KANSL3: variants seen among roughly 807,000 people sequenced by gnomAD.
KANSL3 encodes NSL complex protein NSL3.
KANSL3 carries 16 observed loss-of-function variants against 89.2 expected under a neutral mutation model. That is an observed-to-expected ratio of 0.18 (90% CI 0.12 to 0.27). The LOEUF (loss-of-function observed/expected upper bound fraction) is 0.27. Ranked by LOEUF, KANSL3 falls within the 10% of genes least tolerant of loss-of-function variation. KANSL3 has a pLI of 1.00. For missense variants in KANSL3, 879 were observed against 1,110.6 expected, an observed-to-expected ratio of 0.79 and a Z score of 2.96; for synonymous variants, 385 against 419.7, an observed-to-expected ratio of 0.92 and a Z score of 1.01.
chr2:96,580,624 A>G, the KANSL3 span, among the ~76,000 whole-genome samples: 1 of 152,230 alleles, frequency 6.6e-6, no homozygotes, highest in African/African-American at 2.4e-5. Context: ...TATGTTGGTT[A>G]AACAGGTGTG....
chr2:96,630,717 G>A (rs1334665305), intron 3 of KANSL3, among the ~76,000 whole-genome samples: 1 of 152,180 alleles, frequency 6.6e-6, no homozygotes, highest in Non-Finnish European at 1.5e-5. Context: ...TTAGGTAAAT[G>A]TTTACCAAAT....
At chr2:96,604,890 C>G in intron 15 of KANSL3, 27 bp from the exon 16 acceptor site, 1 of 1,559,540 alleles carries the variant, frequency 6.4e-7, no homozygotes, top group Non-Finnish European at 8.7e-7. Context: ...CCCAAGGCCC[C>G]TGGTCAGTCC....
At chr2:96,604,447 A>G (rs2067661743) in intron 16 of KANSL3, 67 bp from the exon 17 acceptor site, 1 of 1,569,952 alleles carries the variant, frequency 6.4e-7, no homozygotes, top group African/African-American at 1.3e-5. Context: ...CAACACTGGC[A>G]GGGTACAGAG....
chr2:96,634,086 T>C (rs763633119), intron 2 of KANSL3: 1 of 152,244 alleles, frequency 6.6e-6, no homozygotes, highest in Non-Finnish European at 1.5e-5. Context: ...TAATATATAC[T>C]GTAAAGTCTA....
rs1292435162 is a variant in KANSL3 at position 96,606,933 on chromosome 2, T to G, written c.1742-1422A>C. On this transcript the variant is annotated intron_variant, in intron 14 of 20. Transcript: ENST00000431828. The stretch of plus-strand genomic sequence containing the variant: ...ATAAATAAGGGGTTGAGGAGCAGAA[T>G]GTAGTGGACGAGCAGGCAAGAAAGA... 3 of 1,146,232 alleles carry G rather than the reference T, an allele frequency of 2.6e-6. No individual in the cohort carries two copies. In the East Asian group the frequency reaches 1.7e-4, roughly 66 times the overall value. 71.0% of individuals were successfully genotyped at this position (1,146,232 alleles called of 1,614,324 possible).
At chr2:96,583,879 C>G in the KANSL3 span, among the ~76,000 whole-genome samples, 1 of 152,164 alleles carries the variant, frequency 6.6e-6, no homozygotes, top group Non-Finnish European at 1.5e-5. Flanking sequence ...CTTGCTAACA[C>G]TCGGTATTGT....
rs1164594953 is a variant in KANSL3 at position 96,613,079 on chromosome 2, A to G, written c.796-145T>C. On this transcript the variant is annotated intron_variant, in intron 6 of 20. Coordinates refer to ENST00000431828, the MANE Select transcript of KANSL3 (RefSeq NM_001115016.3). The stretch of plus-strand genomic sequence containing the variant: ...AAGCACTATGTAAAATAAATTATTA[A>G]TAATAGTTAAAGAAGCTGGCCAGTC... 3 of 631,178 alleles carry G rather than the reference A, an allele frequency of 4.8e-6. No homozygotes were observed. In the African/African-American group the frequency reaches 5.5e-5, roughly 12 times the overall value. 39.1% of individuals were successfully genotyped at this position (631,178 alleles called of 1,614,324 possible). A position where few individuals can be genotyped will look rare whatever the true frequency, so the allele number is the denominator to read the frequency against.
At chr2:96,618,201 GTTCT>G (rs1279003172) in intron 5 of KANSL3, among the ~76,000 whole-genome samples, 4 of 149,292 alleles carry the variant, frequency 2.7e-5, no homozygotes, top group Non-Finnish European at 5.9e-5. Flanking sequence ...GATTGATTTG[GTTCT>G]TTCTCTTCTC....
At chr2:96,581,785 G>GT in the KANSL3 span, among the ~76,000 whole-genome samples, 1 of 152,030 alleles carries the variant, frequency 6.6e-6, no homozygotes, top group Non-Finnish European at 1.5e-5. Context: ...TGAGGATTTT[G>GT]TTTTTTAACA....
At chr2:96,615,908 A>C (rs760766919) in intron 5 of KANSL3, among the ~76,000 whole-genome samples, 80 of 152,232 alleles carry the variant, frequency 5.3e-4, no homozygotes, top group Non-Finnish European at 8.8e-4. Context: ...CTGCCATGAA[A>C]GAAACAGAAG....
At chr2:96,585,256 G>C in the KANSL3 span, among the ~76,000 whole-genome samples, 2 of 152,086 alleles carry the variant, frequency 1.3e-5, no homozygotes, top group Admixed American at 1.3e-4. Context: ...CTAATAACCA[G>C]AATCTACAAG....
At position 96,636,971 on chromosome 2, in the gene KANSL3, G is replaced by C; in HGVS notation, c.165C>G (p.Arg55=). The C allele has an allele frequency of 6.4e-7, 1 of 1,550,534 alleles. No homozygotes were observed. The highest frequency in any genetic ancestry group is 8.7e-7 in the Non-Finnish European group (1 of 1,146,338). ...WSAHPDASSA[R]PTRMLFVTPR... is the part of the protein sequence containing the mutation. ...GAGTGACAAAGAGCATGCGGGTGGG[G>C]CGGGCACTACTGGCATCTGGGTGGG... is the stretch of plus-strand genomic sequence containing the variant. The change falls in exon 2 of 21, where the codon CGC becomes CGG. Residue 55 remains arginine (R), a synonymous_variant. Transcript: ENST00000431828.
chr2:96,593,092 C>A (rs973290070), downstream of KANSL3: 20 of 365,412 alleles, frequency 5.5e-5, no homozygotes, highest in Admixed American at 6.3e-4. Context: ...CTTAGCTCTA[C>A]CTTTGGTGCC....
chr2:96,632,293 C>T (rs981859042), intron 2 of KANSL3, among the ~76,000 whole-genome samples: 2 of 151,974 alleles, frequency 1.3e-5, no homozygotes, highest in African/African-American at 4.8e-5. Flanking sequence ...ATGGCAAAAC[C>T]CCGTCTCTAA....
chr2:96,631,242 A>AG, intron 3 of KANSL3, 70 bp downstream of exon 3: 1 of 1,107,166 alleles, frequency 9.0e-7, no homozygotes, highest in Non-Finnish European at 1.4e-6. Context: ...GGTCCTAATA[A>AG]GTGTTATTTC....
chr2:96,598,411 A>C (rs147000015), intron 20 of KANSL3, among the ~76,000 whole-genome samples: 1 of 152,342 alleles, frequency 6.6e-6, no homozygotes, highest in East Asian at 1.9e-4. Context: ...AATCCTAAGT[A>C]AAATAAAAGC....
At chr2:96,615,631 A>G (rs1387543651) in intron 5 of KANSL3, 1 of 553,904 alleles carries the variant, frequency 1.8e-6, no homozygotes, top group Non-Finnish European at 2.9e-6. Context: ...AAAAAGTACT[A>G]CGGTTTGATG....
At chr2:96,583,947 A>G in the KANSL3 span, among the ~76,000 whole-genome samples, 1 of 152,114 alleles carries the variant, frequency 6.6e-6, no homozygotes, top group Non-Finnish European at 1.5e-5. Context: ...TTAATATTGC[A>G]TTTTACTCAT....
intron 2 of KANSL3, 135 bp from the exon 3 acceptor site, chr2:96,631,617 A>G: frequency 9.4e-7 from 1 of 1,066,338 alleles, no homozygotes; most frequent in Non-Finnish European, 1.4e-6. Flanking sequence ...TCACAAGAAA[A>G]TTTTGATCCA....
Sources: gnomAD v4.1 joint callset for allele counts (sites outside exome capture counted in the v4.1 genomes callset) on GRCh38, gnomAD v4.1.1 for gene constraint, MANE v1.5 for transcripts, NCBI Gene and HGNC (gene_info 2026-07-23, HGNC 2026-07-21) for gene names.